PEX3: variants seen among roughly 807,000 people sequenced by gnomAD.
PEX3 encodes peroxin-3.
A neutral mutation model predicts 55.8 loss-of-function variants in PEX3; 30 were observed. The observed-to-expected ratio is 0.54, with a 90% CI of 0.40 to 0.73. PEX3 has a LOEUF of 0.73. PEX3 is among the 30% of genes least tolerant of loss of function. PEX3 has a pLI of 0.00. For missense variants in PEX3, 351 were observed against 432.8 expected (o/e 0.81, Z 1.68); for synonymous variants, 135 against 148.4 (o/e 0.91, Z 0.66).
intron 9 of PEX3, among the ~76,000 whole-genome samples, chr6:143,477,065 A>C (rs1240948586): frequency 6.6e-6 from 1 of 152,196 alleles, no homozygotes; most frequent in Non-Finnish European, 1.5e-5. Context: ...AGGCCAAAGG[A>C]GATAAAGACA....
Position 143,485,050 on chromosome 6 carries a change from C to G in PEX3, c.942-102C>G, listed in dbSNP as rs1049904950. Reference sequence around the variant, plus strand: ...GTTTTTTTTCCTTTTTAATAGATTTCCAAAAATATTCTACAATGGCTATGT... The same window carrying G: ...GTTTTTTTTCCTTTTTAATAGATTTGCAAAAATATTCTACAATGGCTATGT... On this transcript the variant is annotated intron_variant, in intron 10 of 11. Coordinates refer to ENST00000367591, the MANE Select transcript of PEX3 (RefSeq NM_003630.3). This position sits in a 1 kb window ranked among gnomAD's most constrained non-coding sequence, Gnocchi z 5.6. 1 of 747,768 alleles carries G rather than the reference C, an allele frequency of 1.3e-6. No homozygotes were observed. The highest frequency in any genetic ancestry group is 2.4e-6 in the Non-Finnish European group (1 of 418,704). 46.3% of individuals were successfully genotyped at this position (747,768 alleles called of 1,614,324 possible). A position where few individuals can be genotyped will look rare whatever the true frequency, so the allele number is the denominator to read the frequency against.
At position 143,471,384 on chromosome 6, in the gene PEX3, C is replaced by A; in HGVS notation, c.458C>A (p.Thr153Lys). The A allele has an allele frequency of 6.3e-7, 1 of 1,597,034 alleles. No homozygotes were observed. The highest frequency in any genetic ancestry group is 1.1e-5 in the South Asian group (1 of 90,522). The change falls in exon 6 of 12, where the codon ACA becomes AAA. Residue 153 changes from threonine (T) to lysine (K), a missense_variant and splice_region_variant. Thr to Lys is a moderately conservative substitution (Grantham distance 78). Transcript: ENST00000367591. The surrounding 1 kb of genome is among the most constrained non-coding windows in gnomAD (Gnocchi z 5.4). ...GAACTGTATTTCTGTTTTATACAGA[C>A]AATTCTTGCTCCCCCAGATGTCCAA... Reference protein sequence around the residue: ...DNAAVGKNGTTILAPPDVQQQ... With the variant: ...DNAAVGKNGTKILAPPDVQQQ...
At position 143,475,137 on chromosome 6, in the gene PEX3, C is replaced by G. The variant is rs1405181394; in HGVS notation, c.818+281C>G. On this transcript the variant is annotated intron_variant, in intron 9 of 11. Coordinates refer to ENST00000367591, the MANE Select transcript of PEX3 (RefSeq NM_003630.3). The surrounding 1 kb of genome is among the most constrained non-coding windows in gnomAD (Gnocchi z 4.4). ...GTCCACTTTTTTGTTATTCAGATTT[C>G]CACCTCATCATTTCATGAAGCTCTG... 6.6e-6 allele frequency among the ~76,000 whole-genome samples: 1 copy of G among 152,076 alleles called. No homozygotes were observed. Among genetic ancestry groups the G allele is most frequent in the Non-Finnish European group, 1.5e-5 (1 of 68,016 alleles).
Position 143,458,720 on chromosome 6 carries a change from T to C in PEX3, c.74-365T>C, listed in dbSNP as rs1271379071. ...CTTGAGTCATTATTTAGCAATGTGG[T>C]TTTTAATAACTACATAAGATTTCGT... is the stretch of plus-strand genomic sequence containing the variant. On this transcript the variant is annotated intron_variant, in intron 1 of 11. Transcript: ENST00000367591. The surrounding 1 kb of genome is among the most constrained non-coding windows in gnomAD (Gnocchi z 6.1). Among the ~76,000 whole-genome samples the C allele has an allele frequency of 2.6e-5, 4 of 152,198 alleles. No individual in the cohort carries two copies. The highest frequency in any genetic ancestry group is 6.5e-5 in the Admixed American group (1 of 15,286).
rs1271469249 is a variant in PEX3, at chr6:143,465,232, T to C, written c.287+2235T>C. 6.6e-6 allele frequency among the ~76,000 whole-genome samples: 1 copy of C among 152,014 alleles called. No individual in the cohort carries two copies. The highest frequency in any genetic ancestry group is 1.5e-5 in the Non-Finnish European group (1 of 67,882). On this transcript the variant is annotated intron_variant, in intron 3 of 11. Coordinates refer to ENST00000367591, the MANE Select transcript of PEX3 (RefSeq NM_003630.3). This position sits in a 1 kb window ranked among gnomAD's most constrained non-coding sequence, Gnocchi z 4.7. ...AAAGGAATATTTGTGTTGAAGGTACTTTTCTCTGTTCTACATAGATTTGGA... is the reference window on the plus strand; with the variant it reads ...AAAGGAATATTTGTGTTGAAGGTACCTTTCTCTGTTCTACATAGATTTGGA...
At position 143,488,248 on chromosome 6, in the gene PEX3, T is replaced by A. The variant is rs1220556810; in HGVS notation, c.1039-895T>A. The stretch of plus-strand genomic sequence containing the variant: ...GGTTTACTTCCCATTTCTTTGACAC[T>A]CTCAGAGGCTGTCAACCTTTTCTAT... On this transcript the variant is annotated intron_variant, in intron 11 of 11. Coordinates refer to ENST00000367591, the MANE Select transcript of PEX3 (RefSeq NM_003630.3). This position sits in a 1 kb window ranked among gnomAD's most constrained non-coding sequence, Gnocchi z 4.9. 6.6e-6 allele frequency among the ~76,000 whole-genome samples: 1 copy of A among 152,080 alleles called. No individual in the cohort carries two copies.
chr6:143,455,357 T>TA (rs1779831107), intron 1 of PEX3, among the ~76,000 whole-genome samples: 2 of 90,410 alleles, frequency 2.2e-5, no homozygotes, highest in Non-Finnish European at 4.3e-5. Context: ...CACGCCCGGC[T>TA]AATTTTTTTT....
intron 10 of PEX3, among the ~76,000 whole-genome samples, chr6:143,481,980 A>T (rs1780248233): frequency 6.6e-6 from 1 of 152,152 alleles, no homozygotes; most frequent in African/African-American, 2.4e-5. Context: ...AAAAAAATAT[A>T]TAAAAAAAGA....
chr6:143,462,873 A>G lies in PEX3; in HGVS notation c.206-43A>G, dbSNP rs1645617904. The stretch of plus-strand genomic sequence containing the variant: ...TGCGCATTTCTTAGTGAGGGCAGTC[A>G]TATCACTTGTGACCTTTTTTATTTT... On this transcript the variant is annotated intron_variant, in intron 2 of 11. Transcript: ENST00000367591. This position sits in a 1 kb window ranked among gnomAD's most constrained non-coding sequence, Gnocchi z 4.1. 13 of 1,431,070 alleles carry G rather than the reference A, an allele frequency of 9.1e-6. No homozygotes were observed. The highest frequency in any genetic ancestry group is 1.1e-5 in the South Asian group (1 of 87,310). 88.6% of individuals were successfully genotyped at this position (1,431,070 alleles called of 1,614,324 possible).
Position 143,476,590 on chromosome 6 carries a change from A to G in PEX3, c.818+1734A>G, listed in dbSNP as rs2128747258. On this transcript the variant is annotated intron_variant, in intron 9 of 11. Coordinates refer to ENST00000367591, the MANE Select transcript of PEX3 (RefSeq NM_003630.3). This position sits in a 1 kb window ranked among gnomAD's most constrained non-coding sequence, Gnocchi z 5.4. ...TGGCAATAACAAGTGGCTAAATAATAGATTTATTTTTAAGGTTGAACCAGT... is the reference window on the plus strand; with the variant it reads ...TGGCAATAACAAGTGGCTAAATAATGGATTTATTTTTAAGGTTGAACCAGT... Among the ~76,000 whole-genome samples the G allele has an allele frequency of 6.6e-6, 1 of 152,296 alleles. No homozygotes were observed. The highest frequency in any genetic ancestry group is 1.9e-4 in the East Asian group (1 of 5,180).
rs1267376161 is a variant in PEX3 at position 143,488,743 on chromosome 6, C to T, written c.1039-400C>T. Among the ~76,000 whole-genome samples, 1 of 152,076 alleles carries T rather than the reference C, an allele frequency of 6.6e-6. No individual in the cohort carries two copies. The highest frequency in any genetic ancestry group is 2.4e-5 in the African/African-American group (1 of 41,438). On this transcript the variant is annotated intron_variant, in intron 11 of 11. Transcript: ENST00000367591. The surrounding 1 kb of genome is among the most constrained non-coding windows in gnomAD (Gnocchi z 4.9). ...GTATATGTAAAATATGCACTTACTACACATATTCATACCGTATGTTAGATC... is the reference window on the plus strand; with the variant it reads ...GTATATGTAAAATATGCACTTACTATACATATTCATACCGTATGTTAGATC...
rs140898782 is a variant in PEX3, at chr6:143,466,324, G to A, written c.288-1798G>A. The stretch of plus-strand genomic sequence containing the variant: ...ATGAAGAAATCTCCCTTTGTCCAGC[G>A]GATCCATGCTGTAGATGCTATCTAC... On this transcript the variant is annotated intron_variant, in intron 3 of 11. Coordinates refer to ENST00000367591, the MANE Select transcript of PEX3 (RefSeq NM_003630.3). The surrounding 1 kb of genome is among the most constrained non-coding windows in gnomAD (Gnocchi z 5.4). Among the ~76,000 whole-genome samples the A allele has an allele frequency of 1.6e-4, 24 of 152,136 alleles. No homozygotes were observed. The highest frequency in any genetic ancestry group is 3.6e-4 in the African/African-American group (15 of 41,550).
chr6:143,477,002 A>G (rs1010587894), intron 9 of PEX3, among the ~76,000 whole-genome samples: 5 of 152,164 alleles, frequency 3.3e-5, no homozygotes, highest in Non-Finnish European at 7.4e-5. Flanking sequence ...TTGGAAGACA[A>G]TTGAAGAAAT....
At position 143,489,759 on chromosome 6, in the gene PEX3, T is replaced by C. The variant is rs1780363872; in HGVS notation, c.*533T>C. 6.6e-6 allele frequency: 1 copy of C among 152,056 alleles called. No homozygotes were observed. The highest frequency in any genetic ancestry group is 6.5e-5 in the Admixed American group (1 of 15,268). 9.4% of individuals were successfully genotyped at this position (152,056 alleles called of 1,614,324 possible). A position where few individuals can be genotyped will look rare whatever the true frequency, so the allele number is the denominator to read the frequency against. On this transcript the variant is annotated 3_prime_UTR_variant, in exon 12 of 12. Coordinates refer to ENST00000367591, the MANE Select transcript of PEX3 (RefSeq NM_003630.3). The surrounding 1 kb of genome is among the most constrained non-coding windows in gnomAD (Gnocchi z 5.5). ...TATACCTTGATGGAGGACTTTTTTA[T>C]TCTTATGGAAATAGTGAATTCCAAC...
chr6:143,484,636 G>A (rs1186277219), intron 10 of PEX3, among the ~76,000 whole-genome samples: 3 of 151,994 alleles, frequency 2.0e-5, no homozygotes, highest in South Asian at 4.1e-4. Flanking sequence ...TTAAAGAAAA[G>A]GATAATGTTG....
intron 4 of PEX3, 149 bp downstream of exon 4, chr6:143,468,314 A>G: frequency 1.6e-6 from 1 of 607,846 alleles, no homozygotes. Flanking sequence ...AAATAGATCA[A>G]TGTCTGGTCA....
Position 143,474,804 on chromosome 6 carries a change from C to T in PEX3, c.766C>T (p.Arg256Ter), listed in dbSNP as rs1227211727. 1.3e-6 allele frequency: 2 copies of T among 1,589,802 alleles called. No individual in the cohort carries two copies. The change falls in exon 9 of 12, where the codon CGA becomes TGA. Residue 256 changes from arginine (R) to a stop codon, truncating the protein, a stop_gained. Transcript: ENST00000367591. LOFTEE classifies it high-confidence loss of function. ...LAVQACGLSP[R>*]DITTIKLLNE... ...TCTATAGGCCTGTGGACTTTCTCCT[C>T]GAGACATTACCACTATTAAACTTCT...
At chr6:143,456,873 C>T (rs561279534) in intron 1 of PEX3, among the ~76,000 whole-genome samples, 2 of 152,232 alleles carry the variant, frequency 1.3e-5, no homozygotes, top group South Asian at 2.1e-4. Context: ...TCTGATTTCA[C>T]GTTCAGGAAA....
rs1185613934 is a variant in PEX3, at chr6:143,459,241, T to C, written c.205+25T>C. On this transcript the variant is annotated intron_variant, in intron 2 of 11. Coordinates refer to ENST00000367591, the MANE Select transcript of PEX3 (RefSeq NM_003630.3). This position sits in a 1 kb window ranked among gnomAD's most constrained non-coding sequence, Gnocchi z 4.2. ...GGTAAGACAGAGAAATATTTATACATGTGTAAAGTTGTTTGACGGTTGTAT... is the reference window on the plus strand; with the variant it reads ...GGTAAGACAGAGAAATATTTATACACGTGTAAAGTTGTTTGACGGTTGTAT... The C allele has an allele frequency of 6.3e-7, 1 of 1,598,594 alleles. No homozygotes were observed. The highest frequency in any genetic ancestry group is 8.6e-7 in the Non-Finnish European group (1 of 1,166,602).
Sources: allele counts gnomAD v4.1 joint callset (sites outside exome capture counted in the v4.1 genomes callset), GRCh38; gene constraint gnomAD v4.1.1; non-coding constraint Gnocchi (gnomAD v3.1); transcripts MANE v1.5; gene names NCBI Gene and HGNC (gene_info 2026-07-23, HGNC 2026-07-21).